The following UBE3A variants were observed in gnomAD, a reference collection of about 807,000 sequenced individuals.
The protein encoded by UBE3A is ubiquitin protein ligase E3A.
A neutral mutation model predicts 83.4 loss-of-function variants in UBE3A; 6 were observed. The observed-to-expected ratio is 0.07, with a 90% CI of 0.04 to 0.14. The LOEUF (loss-of-function observed/expected upper bound fraction) is 0.14. Ranked by LOEUF, UBE3A falls within the 10% of genes least tolerant of loss-of-function variation. The pLI is 1.00. For synonymous variants in UBE3A, 337 were observed against 355.4 expected (o/e 0.95, Z 0.58); for missense variants, 456 against 1,036.1 (o/e 0.44, Z 7.69).
At chr15:25,365,515 G>A (rs1014564524) in intron 6 of UBE3A, among the ~76,000 whole-genome samples, 8 of 152,108 alleles carry the variant, frequency 5.3e-5, no homozygotes, top group Non-Finnish European at 7.4e-5. Flanking sequence ...CTGGGAGGCC[G>A]AGGCGGGCGG....
chr15:25,337,321 G>A lies in UBE3A; in HGVS notation c.*1816C>T, dbSNP rs1057480405. On this transcript the variant is annotated 3_prime_UTR_variant, in exon 13 of 13. Transcript: ENST00000648336. ...CCTCACTTTAATTACACATTAAGAA[G>A]CACAGTGGATGAGAAGCCTTTAAGA... The A allele has an allele frequency of 2.0e-5, 3 of 152,100 alleles. No individual in the cohort carries two copies. The highest frequency in any genetic ancestry group is 2.9e-5 in the Non-Finnish European group (2 of 68,006). The allele number at this position is 152,100 out of a possible 1,614,324, so 9.4% of individuals were successfully genotyped here. A position where few individuals can be genotyped will look rare whatever the true frequency, so the allele number is the denominator to read the frequency against.
At chr15:25,380,544 TAAAGA>T (rs1342864981) in intron 4 of UBE3A, among the ~76,000 whole-genome samples, 1 of 151,426 alleles carries the variant, frequency 6.6e-6, no homozygotes, top group East Asian at 1.9e-4. Context: ...CAAGTACTAT[TAAAGA>T]AAAGAAGAGG....
chr15:25,416,261 A>C (rs2090898683), intron 1 of UBE3A, among the ~76,000 whole-genome samples: 1 of 152,218 alleles, frequency 6.6e-6, no homozygotes, highest in African/African-American at 2.4e-5. Flanking sequence ...AAAATGATTA[A>C]ATGTCCGTAA....
intron 4 of UBE3A, among the ~76,000 whole-genome samples, chr15:25,401,527 T>G (rs758046134): frequency 2.6e-5 from 4 of 152,152 alleles, no homozygotes; most frequent in Non-Finnish European, 4.4e-5. Context: ...CTTGGACAAG[T>G]TGCATGTGTC....
chr15:25,392,059 C>T (rs942803899), intron 4 of UBE3A, among the ~76,000 whole-genome samples: 7 of 152,012 alleles, frequency 4.6e-5, no homozygotes, highest in African/African-American at 7.2e-5. Context: ...GAAGACAAAA[C>T]CAGAAGGCAT....
At chr15:25,381,114 C>T (rs2082098130) in intron 4 of UBE3A, among the ~76,000 whole-genome samples, 1 of 152,088 alleles carries the variant, frequency 6.6e-6, no homozygotes, top group African/African-American at 2.4e-5. Flanking sequence ...TTGATGGATA[C>T]AAGGATGGTT....
intron 2 of UBE3A, among the ~76,000 whole-genome samples, chr15:25,409,963 G>C (rs2089595685): frequency 6.6e-6 from 1 of 150,432 alleles, no homozygotes; most frequent in Non-Finnish European, 1.5e-5. Context: ...ATGGACACAG[G>C]AAGGGGAACA....
At chr15:25,388,601 C>A (rs974816684) in intron 4 of UBE3A, among the ~76,000 whole-genome samples, 5 of 151,722 alleles carry the variant, frequency 3.3e-5, no homozygotes, top group African/African-American at 1.2e-4. Flanking sequence ...GAAGTCCTAG[C>A]TAAGACAAGA....
In UBE3A at chr15:25,356,548, G is replaced by A. The variant is rs146473582; in HGVS notation, c.1959+143C>T. ...AGTTTTTAAGTGTTTCTGGTACTTC[G>A]GTCAGATTAAAACATTTTTATCTTA... On this transcript the variant is annotated intron_variant, in intron 8 of 12. Coordinates refer to ENST00000648336, the MANE Select transcript of UBE3A (RefSeq NM_130839.5). 589 of 810,302 alleles carry A rather than the reference G, an allele frequency of 7.3e-4. 3 individuals carry two copies. Among genetic ancestry groups the A allele is most frequent in the Middle Eastern group, 7.1e-3 (19 of 2,674 alleles). The allele number at this position is 810,302 out of a possible 1,614,324, so 50.2% of individuals were successfully genotyped here. A position where few individuals can be genotyped will look rare whatever the true frequency, so the allele number is the denominator to read the frequency against.
chr15:25,426,931 A>C (rs1178423558), intron 1 of UBE3A, among the ~76,000 whole-genome samples: 3 of 151,678 alleles, frequency 2.0e-5, no homozygotes, highest in Non-Finnish European at 4.4e-5. Flanking sequence ...CAATCCCCCC[A>C]CCTCAGCCTC....
rs3784766 is a variant in UBE3A at position 25,379,106 on chromosome 15, G to A, written c.63-3343C>T. ...CGTAAGTTTCCTCGTAATTTAAATG[G>A]TAGTATCTACGAGCATTATCATGGT... On this transcript the variant is annotated intron_variant, in intron 4 of 12. Coordinates refer to ENST00000648336, the MANE Select transcript of UBE3A (RefSeq NM_130839.5). 1.0e-3 allele frequency among the ~76,000 whole-genome samples: 157 copies of A among 152,224 alleles called. 3 individuals carry two copies. In the East Asian group the frequency reaches 0.027, roughly 27 times the overall value.
intron 1 of UBE3A, among the ~76,000 whole-genome samples, chr15:25,432,514 T>C (rs759476155): frequency 6.6e-5 from 10 of 152,208 alleles, no homozygotes; most frequent in Non-Finnish European, 1.5e-4. Flanking sequence ...GTCTTAAATA[T>C]GAAAAGGAAC....
intron 4 of UBE3A, among the ~76,000 whole-genome samples, chr15:25,389,373 A>G (rs1043462192): frequency 1.3e-5 from 2 of 152,192 alleles, no homozygotes; most frequent in Non-Finnish European, 2.9e-5. Flanking sequence ...AGAGGATAAC[A>G]TAAGAAAAAA....
chr15:25,374,567 G>A (rs1031783531), intron 5 of UBE3A: 7 of 152,320 alleles, frequency 4.6e-5, no homozygotes, highest in African/African-American at 9.6e-5. Flanking sequence ...GTAAAGTGAC[G>A]AAAATAATTT....
chr15:25,388,009 T>C (rs888074882), intron 4 of UBE3A, among the ~76,000 whole-genome samples: 5 of 152,192 alleles, frequency 3.3e-5, no homozygotes, highest in Non-Finnish European at 5.9e-5. Context: ...CCCAGATGGA[T>C]TCTCTGATGA....
rs541807944 is a variant in UBE3A at position 25,337,679 on chromosome 15, A to ACAAT, written c.*1454_*1457dup. On this transcript the variant is annotated 3_prime_UTR_variant, in exon 13 of 13. Coordinates refer to ENST00000648336, the MANE Select transcript of UBE3A (RefSeq NM_130839.5). ...GGTTGATCTACAGTAATCAGTTAAA[A>ACAAT]CAATCAGTCAATCAATCAATCAATC... The ACAAT allele has an allele frequency of 3.5e-4, 53 of 152,182 alleles. 1 individual carries two copies. In the East Asian group the frequency reaches 6.9e-3, roughly 20 times the overall value. The allele number at this position is 152,182 out of a possible 1,614,324, so 9.4% of individuals were successfully genotyped here. A position where few individuals can be genotyped will look rare whatever the true frequency, so the allele number is the denominator to read the frequency against.
rs374620142 is a variant in UBE3A at position 25,408,236 on chromosome 15, A to G, written c.20+852T>C. On this transcript the variant is annotated intron_variant, in intron 3 of 12. Coordinates refer to ENST00000648336, the MANE Select transcript of UBE3A (RefSeq NM_130839.5). ...CTTGTCTTGGAAACAAACATAAACT[A>G]TGAAATATATACCACCTAGCAACAG... 12 of 231,804 alleles carry G rather than the reference A, an allele frequency of 5.2e-5. No homozygotes were observed. The East Asian group carries it at 8.2e-4, about 16-fold the overall frequency. 14.4% of individuals were successfully genotyped at this position (231,804 alleles called of 1,614,324 possible). A position where few individuals can be genotyped will look rare whatever the true frequency, so the allele number is the denominator to read the frequency against.
chr15:25,406,302 T>C (rs1208977201), intron 3 of UBE3A, among the ~76,000 whole-genome samples: 1 of 152,206 alleles, frequency 6.6e-6, no homozygotes, highest in Non-Finnish European at 1.5e-5. Flanking sequence ...GTGTATCACC[T>C]GAGGTGAAGT....
chr15:25,423,291 G>A (rs1324974131), intron 1 of UBE3A, among the ~76,000 whole-genome samples: 1 of 152,078 alleles, frequency 6.6e-6, no homozygotes, highest in Non-Finnish European at 1.5e-5. Context: ...ATATATACAT[G>A]AATCAAAACA....
Sources: allele counts gnomAD v4.1 joint callset (sites outside exome capture counted in the v4.1 genomes callset), GRCh38; gene constraint gnomAD v4.1.1; transcripts MANE v1.5; gene names NCBI Gene and HGNC (gene_info 2026-07-23, HGNC 2026-07-21).